Variants in SV2C observed in about 807,000 individuals in gnomAD.
SV2C encodes the protein synaptic vesicle glycoprotein 2C, also known as solute carrier family 22 member B3.
SV2C carries 49 observed loss-of-function variants against 79.7 expected under a neutral mutation model. The observed-to-expected ratio is 0.61, with a 90% confidence interval of 0.49 to 0.78. SV2C has a LOEUF of 0.78. Ranked by LOEUF, SV2C falls within the 30% of genes least tolerant of loss-of-function variation. The pLI is 0.00. For synonymous variants in SV2C, 334 were observed against 333.2 expected, an observed-to-expected ratio of 1.00 and a Z score of -0.03; for missense variants, 833 against 912.9, an observed-to-expected ratio of 0.91 and a Z score of 1.13.
chr5:76,319,260 A>C (rs1418083741), intron 12 of SV2C, among the ~76,000 whole-genome samples: 3 of 148,264 alleles, frequency 2.0e-5, no homozygotes, highest in South Asian at 2.2e-4. Flanking sequence ...AAAAAAAAAA[A>C]CACAAAAAAT....
intron 4 of SV2C, among the ~76,000 whole-genome samples, chr5:76,263,111 G>T (rs982223956): frequency 1.3e-5 from 2 of 152,054 alleles, no homozygotes; most frequent in African/African-American, 2.4e-5. Context: ...GAATCTGGGT[G>T]CTCCTATATT....
At chr5:76,005,267 T>C in the SV2C span, among the ~76,000 whole-genome samples, 1 of 152,154 alleles carries the variant, frequency 6.6e-6, no homozygotes, top group Non-Finnish European at 1.5e-5. Flanking sequence ...AGATATCTAC[T>C]AGGAGGGAAA....
intron 1 of SV2C, among the ~76,000 whole-genome samples, chr5:76,128,982 A>G (rs1748795190): frequency 6.6e-6 from 1 of 152,122 alleles, no homozygotes; most frequent in African/African-American, 2.4e-5. Flanking sequence ...AGCTCTTCAC[A>G]TTTTTCCATT....
At chr5:76,245,685 A>C (rs528678826) in intron 4 of SV2C, among the ~76,000 whole-genome samples, 1 of 152,326 alleles carries the variant, frequency 6.6e-6, no homozygotes, top group Non-Finnish European at 1.5e-5. Context: ...CACCAATGAC[A>C]GCTGTTAACT....
At chr5:76,077,953 G>A in the SV2C span, among the ~76,000 whole-genome samples, 21 of 152,302 alleles carry the variant, frequency 1.4e-4, no homozygotes, top group African/African-American at 4.6e-4. Context: ...ATGAATACCT[G>A]TGTGTATACT....
chr5:75,948,193 G>C, the SV2C span, among the ~76,000 whole-genome samples: 2 of 152,016 alleles, frequency 1.3e-5, no homozygotes, highest in Non-Finnish European at 2.9e-5. Context: ...GCACATGTAA[G>C]TTAGGACTGC....
intron 2 of SV2C, among the ~76,000 whole-genome samples, chr5:76,188,711 GAC>G (rs1743998408): frequency 6.6e-6 from 1 of 151,480 alleles, no homozygotes; most frequent in Non-Finnish European, 1.5e-5. Context: ...TTTCTAATCA[GAC>G]ACAGAATTTG....
the SV2C span, among the ~76,000 whole-genome samples, chr5:75,870,926 C>A: frequency 9.9e-5 from 15 of 152,086 alleles, no homozygotes; most frequent in African/African-American, 3.6e-4. Context: ...GAGCCTAATG[C>A]CAAAATCTGA....
chr5:76,174,068 G>C (rs768381528), intron 2 of SV2C: 1 of 1,576,004 alleles, frequency 6.3e-7, no homozygotes, highest in South Asian at 1.1e-5. Context: ...CTCTCTATAA[G>C]AATCTTCTAT....
At chr5:75,908,279 T>G in the SV2C span, among the ~76,000 whole-genome samples, 1 of 152,250 alleles carries the variant, frequency 6.6e-6, no homozygotes, top group Non-Finnish European at 1.5e-5. Context: ...TGGAGTCACA[T>G]AATATGTTGC....
At chr5:75,871,581 C>T in the SV2C span, among the ~76,000 whole-genome samples, 8 of 151,902 alleles carry the variant, frequency 5.3e-5, no homozygotes, top group South Asian at 1.2e-3. Context: ...AGGCCAAGGC[C>T]GGTGGGTCAC....
At chr5:75,901,733 G>T in the SV2C span, among the ~76,000 whole-genome samples, 1 of 152,232 alleles carries the variant, frequency 6.6e-6, no homozygotes, top group East Asian at 1.9e-4. Flanking sequence ...AGCTGTGGTG[G>T]GTTCCACCCA....
the SV2C span, among the ~76,000 whole-genome samples, chr5:75,993,355 G>A: frequency 2.6e-5 from 4 of 151,850 alleles, no homozygotes; most frequent in Admixed American, 2.6e-4. Context: ...ATGATCTCAC[G>A]CTACTATGCA....
the SV2C span, among the ~76,000 whole-genome samples, chr5:76,009,704 T>C: frequency 1.1e-4 from 16 of 152,174 alleles, no homozygotes; most frequent in African/African-American, 3.4e-4. Context: ...GAACTAAACA[T>C]TGGGTACACA....
chr5:75,936,271 A>G, the SV2C span, among the ~76,000 whole-genome samples: 9 of 151,964 alleles, frequency 5.9e-5, no homozygotes, highest in Non-Finnish European at 1.3e-4. Context: ...TCCTCTGGGG[A>G]CTGTCCTCCT....
the SV2C span, among the ~76,000 whole-genome samples, chr5:75,853,844 A>T: frequency 1.3e-4 from 20 of 151,098 alleles, no homozygotes; most frequent in Middle Eastern, 3.4e-3. Context: ...GTCTTTAAAA[A>T]TTTTTTTTTA....
chr5:76,282,766 T>C (rs752889139), intron 4 of SV2C, among the ~76,000 whole-genome samples: 16 of 152,090 alleles, frequency 1.1e-4, no homozygotes, highest in Non-Finnish European at 1.8e-4. Context: ...TCCCAGCACT[T>C]TGGGAGGCCG....
At chr5:75,974,388 GTAAAA>G in the SV2C span, among the ~76,000 whole-genome samples, 1 of 152,108 alleles carries the variant, frequency 6.6e-6, no homozygotes. Context: ...GGAAATGTCA[GTAAAA>G]TAAGTCAGAT....
the SV2C span, among the ~76,000 whole-genome samples, chr5:76,034,389 C>CATAG: frequency 6.6e-6 from 1 of 152,182 alleles, no homozygotes; most frequent in Admixed American, 6.5e-5. Flanking sequence ...GTGGGTTTGT[C>CATAG]ATAGATAGCT....
Sources: gnomAD v4.1 joint callset for allele counts (sites outside exome capture counted in the v4.1 genomes callset) on GRCh38, gnomAD v4.1.1 for gene constraint, MANE v1.5 for transcripts, NCBI Gene and HGNC (gene_info 2026-07-23, HGNC 2026-07-21) for gene names.